PTK2: variants seen among roughly 807,000 people sequenced by gnomAD.
PTK2 encodes the protein focal adhesion kinase 1.
A neutral mutation model predicts 150.1 loss-of-function variants in PTK2; 45 were observed. The observed-to-expected ratio is 0.30, with a 90% CI of 0.24 to 0.38. The LOEUF is 0.38. Ranked by LOEUF, PTK2 falls within the 10% of genes least tolerant of loss-of-function variation. The probability of loss-of-function intolerance (pLI) is 1.00; values close to 1 mark genes in which losing one functional copy is unlikely to be tolerated. For synonymous variants in PTK2, 432 were observed against 449.2 expected (o/e 0.96, Z 0.48); for missense variants, 919 against 1,307.3 (o/e 0.70, Z 4.58).
At chr8:140,752,620 G>A (rs1033181908) in intron 16 of PTK2, among the ~76,000 whole-genome samples, 20 of 152,232 alleles carry the variant, frequency 1.3e-4, no homozygotes, top group Non-Finnish European at 2.9e-5. Flanking sequence ...GAACAGCAGA[G>A]GCAGCAGTCC....
intron 1 of PTK2, among the ~76,000 whole-genome samples, chr8:140,951,561 G>C (rs2100179554): frequency 6.6e-6 from 1 of 152,170 alleles, no homozygotes; most frequent in Admixed American, 6.5e-5. Context: ...GACAAACCAA[G>C]ATGGGTAGAT....
chr8:140,717,498 C>T, intron 23 of PTK2, 100 bp downstream of exon 26: 2 of 886,964 alleles, frequency 2.3e-6, no homozygotes, highest in Non-Finnish European at 3.8e-6. Flanking sequence ...CTTAGAATAA[C>T]CTGATATTTG....
In PTK2 at chr8:140,940,088, C is replaced by A. The variant is rs563203527; in HGVS notation, c.-121-14339G>T. Among the ~76,000 whole-genome samples the A allele has an allele frequency of 3.9e-5, 6 of 152,310 alleles. No individual in the cohort carries two copies. The South Asian group carries it at 1.2e-3, about 32-fold the overall frequency. ...CACATTCACTCATCACTAGCTCCAGCTACACTTACTGTTCGTATTGACATA... is the reference window on the plus strand; with the variant it reads ...CACATTCACTCATCACTAGCTCCAGATACACTTACTGTTCGTATTGACATA... On this transcript the variant is annotated intron_variant, in intron 1 of 31. Transcript: ENST00000522684.
chr8:140,881,225 GA>G (rs1252705877), intron 3 of PTK2, among the ~76,000 whole-genome samples: 2 of 152,172 alleles, frequency 1.3e-5, no homozygotes, highest in Non-Finnish European at 1.5e-5. Flanking sequence ...CCTACACAAG[GA>G]TATCCAGCTG....
At chr8:140,669,831 C>G (rs2094590334) in intron 29 of PTK2, 96 bp from the exon 33 acceptor site, 1 of 1,341,618 alleles carries the variant, frequency 7.5e-7, no homozygotes, top group Admixed American at 2.0e-5. Context: ...GACAAATCCC[C>G]CATAAAAACA....
chr8:140,931,440 C>T (rs989337039), intron 1 of PTK2, among the ~76,000 whole-genome samples: 19 of 152,066 alleles, frequency 1.2e-4, no homozygotes, highest in African/African-American at 4.3e-4. Context: ...TGGTGCCTGC[C>T]TGTAGTCCCA....
At chr8:140,917,404 G>C (rs1053498163) in intron 2 of PTK2, among the ~76,000 whole-genome samples, 2 of 151,962 alleles carry the variant, frequency 1.3e-5, no homozygotes, top group African/African-American at 4.8e-5. Flanking sequence ...GAGAGGAGAG[G>C]AGAGGAAAAA....
rs200210469 is a variant in PTK2, at chr8:140,700,996, C to T, written c.2394G>A (p.Gly798=). The T allele has an allele frequency of 3.1e-6, 5 of 1,613,966 alleles. No homozygotes were observed. In the Admixed American group the frequency reaches 8.3e-5, roughly 27 times the overall value. Residue 798 remains glycine, a synonymous_variant, in exon 26 of 32, where the codon GGG becomes GGA. Transcript: ENST00000522684. ...GATGGGTTGGCAACACTTGCCCAAT[C>T]CCTCGCAGGTCCAATACTGTAGAGT...
intron 1 of PTK2, chr8:140,948,732 T>C (rs1174034840): frequency 1.3e-5 from 2 of 152,180 alleles, no homozygotes; most frequent in Non-Finnish European, 2.9e-5. Context: ...ATCTAAAATA[T>C]TTGAGGAAAA....
At chr8:140,745,091 C>A (rs568059348) in intron 18 of PTK2, among the ~76,000 whole-genome samples, 1 of 144,176 alleles carries the variant, frequency 6.9e-6, no homozygotes, top group East Asian at 2.1e-4. Context: ...ATAATAACAA[C>A]TGGAAGAAAA....
intron 10 of PTK2, among the ~76,000 whole-genome samples, chr8:140,814,538 C>T (rs1191838503): frequency 2.6e-5 from 4 of 152,104 alleles, no homozygotes; most frequent in Admixed American, 6.5e-5. Flanking sequence ...ATCACATAAA[C>T]AGAACTAAAA....
intron 10 of PTK2, among the ~76,000 whole-genome samples, chr8:140,808,733 G>GTTTTTTTTT (rs57600032): frequency 7.7e-5 from 9 of 116,594 alleles, no homozygotes; most frequent in African/African-American, 3.1e-4. Flanking sequence ...TTTTGTTCTT[G>GTTTTTTTTT]TTTTTTTTTT....
intron 23 of PTK2, among the ~76,000 whole-genome samples, chr8:140,706,733 A>G (rs970266986): frequency 1.3e-5 from 2 of 152,260 alleles, no homozygotes; most frequent in Non-Finnish European, 2.9e-5. Flanking sequence ...AGGTATATGT[A>G]AAGTCCAGAG....
intron 17 of PTK2, 193 bp from the exon 21 acceptor site, chr8:140,747,053 G>C: frequency 2.1e-6 from 1 of 476,840 alleles, no homozygotes; most frequent in Non-Finnish European, 3.8e-6. Context: ...ACCACGCCCG[G>C]CTAATTTTTT....
chr8:140,989,244 A>T (rs1181793937), intron 1 of PTK2, among the ~76,000 whole-genome samples: 1 of 133,182 alleles, frequency 7.5e-6, no homozygotes, highest in Non-Finnish European at 1.6e-5. Flanking sequence ...AAAAAAATTT[A>T]AAATTAGCCA....
chr8:140,963,104 G>A (rs978080761), intron 1 of PTK2, among the ~76,000 whole-genome samples: 10 of 151,918 alleles, frequency 6.6e-5, no homozygotes, highest in African/African-American at 2.2e-4. Context: ...CAACACGCAC[G>A]AACCTTAAGG....
intron 2 of PTK2, among the ~76,000 whole-genome samples, chr8:140,905,244 GT>G (rs2100160381): frequency 6.6e-6 from 1 of 152,126 alleles, no homozygotes; most frequent in Non-Finnish European, 1.5e-5. Context: ...TGGATAAAGA[GT>G]CAAGACTCAT....
intron 27 of PTK2, among the ~76,000 whole-genome samples, chr8:140,680,849 A>G (rs926397736): frequency 1.3e-4 from 19 of 151,342 alleles, no homozygotes; most frequent in African/African-American, 4.2e-4. Context: ...TTTATATAGA[A>G]AAAATGTTTG....
chr8:140,958,310 T>A (rs2100181902), intron 1 of PTK2, among the ~76,000 whole-genome samples: 1 of 152,012 alleles, frequency 6.6e-6, no homozygotes, highest in South Asian at 2.1e-4. Flanking sequence ...AGCTAATTTC[T>A]TTTTTTTAAT....
Sources: allele counts gnomAD v4.1 joint callset (sites outside exome capture counted in the v4.1 genomes callset), GRCh38; gene constraint gnomAD v4.1.1; transcripts MANE v1.5; gene names NCBI Gene and HGNC (gene_info 2026-07-23, HGNC 2026-07-21).